The following DIP2B variants were observed in gnomAD, a reference collection of about 807,000 sequenced individuals.
DIP2B encodes disco-interacting protein 2 homolog B.
A neutral mutation model predicts 198.0 loss-of-function variants in DIP2B; 76 were observed. That is an observed-to-expected ratio of 0.38 (90% CI 0.32 to 0.46). The LOEUF (loss-of-function observed/expected upper bound fraction) is 0.46. Ranked by LOEUF, DIP2B falls within the 20% of genes least tolerant of loss-of-function variation. The pLI, the probability that DIP2B is intolerant of heterozygous loss-of-function variation, is 0.99. For synonymous variants in DIP2B, 701 were observed against 739.1 expected (o/e 0.95, Z 0.84); for missense variants, 1,559 against 1,978.4 (o/e 0.79, Z 4.02).
At chr12:50,591,881 G>GT (rs200971587) in intron 1 of DIP2B, among the ~76,000 whole-genome samples, 2,055 of 139,624 alleles carry the variant, frequency 0.015, 24 homozygotes, top group African/African-American at 0.037. Flanking sequence ...ATTTTTGTGT[G>GT]TTTTTTTTTT....
At chr12:50,654,121 G>A (rs1030731024) in intron 3 of DIP2B, among the ~76,000 whole-genome samples, 4 of 151,628 alleles carry the variant, frequency 2.6e-5, no homozygotes, top group Admixed American at 6.6e-5. Flanking sequence ...TGATCTACCC[G>A]CCTTGGCCTC....
chr12:50,542,248 CAA>C (rs35430997), intron 1 of DIP2B, among the ~76,000 whole-genome samples: 12 of 51,280 alleles, frequency 2.3e-4, no homozygotes, highest in African/African-American at 4.9e-4. Flanking sequence ...GACTCCGTCT[CAA>C]AAAAAAAAAA....
intron 1 of DIP2B, among the ~76,000 whole-genome samples, chr12:50,519,465 T>C (rs1364988812): frequency 6.6e-6 from 1 of 152,226 alleles, no homozygotes; most frequent in African/African-American, 2.4e-5. Flanking sequence ...GGTAATTTTA[T>C]GTACTTGTCT....
At chr12:50,634,512 C>T (rs1281378032) in intron 2 of DIP2B, among the ~76,000 whole-genome samples, 2 of 152,260 alleles carry the variant, frequency 1.3e-5, no homozygotes, top group African/African-American at 4.8e-5. Context: ...AATACTGTTT[C>T]GACACCAAGG....
chr12:50,571,105 A>G (rs1339585194), intron 1 of DIP2B, among the ~76,000 whole-genome samples: 2 of 149,490 alleles, frequency 1.3e-5, no homozygotes, highest in East Asian at 2.0e-4. Flanking sequence ...AATGTAGTGG[A>G]GGGGTTGGGG....
chr12:50,716,419 G>A (rs1043158707), intron 23 of DIP2B, among the ~76,000 whole-genome samples: 1 of 151,870 alleles, frequency 6.6e-6, no homozygotes, highest in African/African-American at 2.4e-5. Context: ...GGAGAATGGC[G>A]TGAACCCGGG....
Position 50,549,185 on chromosome 12 carries a change from A to AAAAAT in DIP2B, c.100+43945_100+43946insAAAAT, listed in dbSNP as rs1242517202. 2.7e-5 allele frequency among the ~76,000 whole-genome samples: 4 copies of AAAAAT among 149,806 alleles called. No homozygotes were observed. In the East Asian group the frequency reaches 7.8e-4, roughly 29 times the overall value. The stretch of plus-strand genomic sequence containing the variant: ...GGGGCTGGTTTAAAAAAAAAAAAAA[A>AAAAAT]GGGCTGGGCGCGGTGGCTCATGCCT... On this transcript the variant is annotated intron_variant, in intron 1 of 37. Transcript: ENST00000301180.
intron 1 of DIP2B, among the ~76,000 whole-genome samples, chr12:50,556,472 A>G (rs1411781075): frequency 1.3e-5 from 2 of 152,190 alleles, no homozygotes; most frequent in Non-Finnish European, 2.9e-5. Flanking sequence ...TTTAAGTAAA[A>G]TAAATATTAC....
chr12:50,609,549 A>G (rs1470990472), intron 1 of DIP2B, among the ~76,000 whole-genome samples: 1 of 151,982 alleles, frequency 6.6e-6, no homozygotes, highest in African/African-American at 2.4e-5. Context: ...ATCCCATTTC[A>G]CCCATTGGGA....
At chr12:50,594,598 T>C (rs1958862612) in intron 1 of DIP2B, among the ~76,000 whole-genome samples, 2 of 152,192 alleles carry the variant, frequency 1.3e-5, no homozygotes, top group South Asian at 4.1e-4. Flanking sequence ...TCATATGATA[T>C]AGTTTAGGAC....
chr12:50,621,674 T>C (rs1267572064), intron 1 of DIP2B, among the ~76,000 whole-genome samples: 1 of 152,150 alleles, frequency 6.6e-6, no homozygotes, highest in Admixed American at 6.5e-5. Context: ...ATCACAGATA[T>C]GTATGCAGAT....
intron 1 of DIP2B, among the ~76,000 whole-genome samples, chr12:50,533,884 C>T (rs942760324): frequency 2.0e-5 from 3 of 152,048 alleles, no homozygotes; most frequent in Non-Finnish European, 2.9e-5. Context: ...GCCACTGAGC[C>T]GGGCCTAACT....
intron 18 of DIP2B, 94 bp downstream of exon 18, chr12:50,698,561 C>G (rs972672093): frequency 2.7e-6 from 4 of 1,455,134 alleles, no homozygotes; most frequent in Non-Finnish European, 3.7e-6. Flanking sequence ...ACGAGGAACC[C>G]TTAATTCAGT....
chr12:50,658,886 A>T (rs1368003642), intron 3 of DIP2B, among the ~76,000 whole-genome samples: 1 of 152,178 alleles, frequency 6.6e-6, no homozygotes, highest in African/African-American at 2.4e-5. Context: ...CAGGAGTTCA[A>T]GGCCAGCCTG....
chr12:50,695,234 A>G (rs1467180912), intron 14 of DIP2B, 33 bp from the exon 15 acceptor site: 63 of 1,570,150 alleles, frequency 4.0e-5, no homozygotes, highest in Non-Finnish European at 5.4e-5. Flanking sequence ...TGTATTTTGT[A>G]TTGATTACTT....
intron 2 of DIP2B, among the ~76,000 whole-genome samples, chr12:50,639,829 T>A (rs1020717944): frequency 2.0e-5 from 3 of 152,134 alleles, no homozygotes; most frequent in African/African-American, 7.2e-5. Context: ...AATAAAGCAG[T>A]CACAGAAGAA....
chr12:50,586,992 T>C (rs1372024938), intron 1 of DIP2B, among the ~76,000 whole-genome samples: 1 of 152,248 alleles, frequency 6.6e-6, no homozygotes, highest in Non-Finnish European at 1.5e-5. Context: ...ACCTGACTGT[T>C]AAACAGAAGA....
intron 2 of DIP2B, among the ~76,000 whole-genome samples, chr12:50,635,561 C>T (rs1000295047): frequency 5.3e-4 from 81 of 152,266 alleles, no homozygotes; most frequent in African/African-American, 1.9e-3. Context: ...CTGCACTTGG[C>T]AGCTGCTTCG....
intron 26 of DIP2B, 44 bp from the exon 27 acceptor site, chr12:50,723,158 T>C: frequency 6.2e-7 from 1 of 1,612,106 alleles, no homozygotes; most frequent in Non-Finnish European, 8.5e-7. Flanking sequence ...TCAGTGCTCT[T>C]AGGCAGTTCA....
Sources: gnomAD v4.1 joint callset for allele counts (sites outside exome capture counted in the v4.1 genomes callset) on GRCh38, gnomAD v4.1.1 for gene constraint, MANE v1.5 for transcripts, NCBI Gene and HGNC (gene_info 2026-07-23, HGNC 2026-07-21) for gene names.